ABCA13: variants seen among roughly 807,000 people sequenced by gnomAD.
ABCA13 encodes ATP-binding cassette sub-family A member 13.
A neutral mutation model predicts 478.7 loss-of-function variants in ABCA13; 476 were observed. The observed-to-expected ratio is 0.99, with a 90% confidence interval of 0.92 to 1.07. The LOEUF is 1.07. ABCA13 is among the 50% of genes least tolerant of loss of function. The pLI is 0.00. For missense variants in ABCA13, 6,060 were observed against 5,910.6 expected, an observed-to-expected ratio of 1.03 and a Z score of -0.83; for synonymous variants, 2,252 against 2,158.9, an observed-to-expected ratio of 1.04 and a Z score of -1.20.
intron 38 of ABCA13, among the ~76,000 whole-genome samples, chr7:48,395,729 A>C (rs929663919): frequency 2.0e-5 from 3 of 152,216 alleles, no homozygotes; most frequent in Non-Finnish European, 2.9e-5. Flanking sequence ...TTTTTTAAAT[A>C]ACATTTTTTT....
At position 48,615,277 on chromosome 7, in the gene ABCA13, CT is replaced by C; in HGVS notation, c.14745-5del. The C allele has an allele frequency of 6.8e-7, 1 of 1,469,008 alleles. No individual in the cohort carries two copies. Among genetic ancestry groups the C allele is most frequent in the Non-Finnish European group, 9.1e-7 (1 of 1,098,440 alleles). The allele number at this position is 1,469,008 out of a possible 1,614,324, so 91.0% of individuals were successfully genotyped here. On this transcript the variant is annotated splice_polypyrimidine_tract_variant and splice_region_variant and intron_variant, in intron 58 of 61. Transcript: ENST00000435803. ...TGGCTCATTTTTGTCTCTTTTCCTT[CT>C]TTACAGCATGGAGGAGTGTGAGGCT...
chr7:48,583,820 T>C (rs994214682), intron 56 of ABCA13, among the ~76,000 whole-genome samples: 4 of 152,242 alleles, frequency 2.6e-5, no homozygotes, highest in Admixed American at 6.5e-5. Context: ...CAGAAAAGAC[T>C]ACAGCAAAAT....
intron 32 of ABCA13, 51 bp downstream of exon 32, chr7:48,367,959 C>G: frequency 7.0e-7 from 1 of 1,422,256 alleles, no homozygotes; most frequent in East Asian, 2.5e-5. Flanking sequence ...AGGCTGGGGA[C>G]TTTGGAAATG....
At chr7:48,631,847 A>G (rs1304611154) in intron 59 of ABCA13, among the ~76,000 whole-genome samples, 2 of 152,062 alleles carry the variant, frequency 1.3e-5, no homozygotes, top group Non-Finnish European at 2.9e-5. Flanking sequence ...GATTTCTTTC[A>G]TTAGCATTTG....
chr7:48,391,789 G>A (rs1285063288), intron 37 of ABCA13, 132 bp from the exon 38 acceptor site: 2 of 774,160 alleles, frequency 2.6e-6, no homozygotes, highest in Non-Finnish European at 4.2e-6. Context: ...TTAACTGATT[G>A]TGTAAAAACC....
intron 46 of ABCA13, 114 bp from the exon 47 acceptor site, chr7:48,482,962 G>A: frequency 1.3e-6 from 1 of 740,756 alleles, no homozygotes; most frequent in Non-Finnish European, 2.2e-6. Context: ...CAGATGCTCA[G>A]TTGGCTACTG....
intron 55 of ABCA13, among the ~76,000 whole-genome samples, chr7:48,566,770 T>G (rs1787112504): frequency 6.6e-6 from 1 of 152,146 alleles, no homozygotes; most frequent in African/African-American, 2.4e-5. Context: ...GCCCCCAAAA[T>G]TCACATAAAG....
At chr7:48,203,164 C>T (rs1280209315) in intron 3 of ABCA13, among the ~76,000 whole-genome samples, 2 of 152,214 alleles carry the variant, frequency 1.3e-5, no homozygotes, top group Admixed American at 1.3e-4. Context: ...GGTGCTAAGT[C>T]CCTCATTGCC....
chr7:48,234,242 C>G, intron 8 of ABCA13, 91 bp downstream of exon 8: 1 of 1,581,960 alleles, frequency 6.3e-7, no homozygotes, highest in Non-Finnish European at 8.7e-7. Flanking sequence ...GCGGGTGCCA[C>G]GGGAGAGGCA....
chr7:48,206,021 C>T (rs1784877760), intron 3 of ABCA13, among the ~76,000 whole-genome samples: 1 of 152,206 alleles, frequency 6.6e-6, no homozygotes, highest in South Asian at 2.1e-4. Flanking sequence ...CCCAGCCCAA[C>T]CTACCTCCAC....
chr7:48,206,626 A>G (rs1784962739), intron 3 of ABCA13, among the ~76,000 whole-genome samples: 1 of 151,942 alleles, frequency 6.6e-6, no homozygotes, highest in Admixed American at 6.6e-5. Context: ...TTTGTTTCTG[A>G]ATATATATTT....
At chr7:48,571,998 C>A (rs983837397) in intron 55 of ABCA13, among the ~76,000 whole-genome samples, 10 of 152,122 alleles carry the variant, frequency 6.6e-5, no homozygotes, top group Admixed American at 1.3e-4. Flanking sequence ...CCCAACGTGG[C>A]AAAACCCCAT....
chr7:48,614,671 G>A (rs1351822902), intron 58 of ABCA13, among the ~76,000 whole-genome samples: 1 of 150,408 alleles, frequency 6.6e-6, no homozygotes, highest in Non-Finnish European at 1.5e-5. Context: ...TTAAGAAAAT[G>A]TGGCACATAT....
intron 31 of ABCA13, among the ~76,000 whole-genome samples, chr7:48,354,273 C>T (rs1809533475): frequency 6.6e-6 from 1 of 152,044 alleles, no homozygotes; most frequent in Non-Finnish European, 1.5e-5. Context: ...GGGAACATGA[C>T]AATTCCCTCT....
Position 48,373,861 on chromosome 7 carries a change from A to AT in ABCA13, c.11134-479dup, listed in dbSNP as rs986860548. Among the ~76,000 whole-genome samples, 7 of 152,068 alleles carry AT rather than the reference A, an allele frequency of 4.6e-5. No individual in the cohort carries two copies. In the East Asian group the frequency reaches 7.7e-4, roughly 17 times the overall value. ...TACACTGTATTTTTTAATGTAAGAT[A>AT]TTTTTTTCAATGGGGTTTCGTTCTA... On this transcript the variant is annotated intron_variant, in intron 33 of 61. Coordinates refer to ENST00000435803, the MANE Select transcript of ABCA13 (RefSeq NM_152701.5).
At chr7:48,605,420 C>G (rs868609240) in intron 58 of ABCA13, among the ~76,000 whole-genome samples, 1 of 152,104 alleles carries the variant, frequency 6.6e-6, no homozygotes, top group South Asian at 2.1e-4. Flanking sequence ...GTAAGGCAGC[C>G]CTGGTGGTGA....
intron 59 of ABCA13, among the ~76,000 whole-genome samples, chr7:48,622,239 C>T (rs1360400769): frequency 1.3e-5 from 2 of 152,160 alleles, no homozygotes; most frequent in African/African-American, 4.8e-5. Context: ...CCAAAACACA[C>T]CCTCAAAGGA....
chr7:48,503,872 A>G (rs752940941), intron 48 of ABCA13, among the ~76,000 whole-genome samples: 1 of 152,204 alleles, frequency 6.6e-6, no homozygotes, highest in Non-Finnish European at 1.5e-5. Context: ...AGGCACCCCT[A>G]TAGTGTTTTC....
chr7:48,491,246 T>A (rs1349016364), intron 48 of ABCA13, among the ~76,000 whole-genome samples: 2 of 152,166 alleles, frequency 1.3e-5, no homozygotes, highest in Non-Finnish European at 2.9e-5. Flanking sequence ...CAGTCATAGG[T>A]AACCTAAGTT....
Sources: gnomAD v4.1 joint callset for allele counts (sites outside exome capture counted in the v4.1 genomes callset) on GRCh38, gnomAD v4.1.1 for gene constraint, MANE v1.5 for transcripts, NCBI Gene and HGNC (gene_info 2026-07-23, HGNC 2026-07-21) for gene names.